PPM1H: variants seen among roughly 807,000 people sequenced by gnomAD.
PPM1H encodes the protein protein phosphatase, Mg2+/Mn2+ dependent 1H.
Under a neutral mutation model 54.9 loss-of-function variants are expected in PPM1H, and 27 were observed. The observed-to-expected ratio is 0.49, with a 90% CI of 0.36 to 0.68. The LOEUF (loss-of-function observed/expected upper bound fraction) is 0.68, where lower values mean the gene tolerates loss of function less well. PPM1H is among the 30% of genes least tolerant of loss of function. PPM1H has a pLI of 0.00. For missense variants in PPM1H, 596 were observed against 667.8 expected, an observed-to-expected ratio of 0.89 and a Z score of 1.19; for synonymous variants, 305 against 270.8, an observed-to-expected ratio of 1.13 and a Z score of -1.24.
At chr12:62,825,731 C>G (rs972075885) in intron 2 of PPM1H, among the ~76,000 whole-genome samples, 1 of 151,884 alleles carries the variant, frequency 6.6e-6, no homozygotes, top group Non-Finnish European at 1.5e-5. Flanking sequence ...AGGGGCCTGT[C>G]GCGGAGTGTG....
At chr12:62,856,007 G>A (rs979806084) in intron 1 of PPM1H, among the ~76,000 whole-genome samples, 1 of 152,216 alleles carries the variant, frequency 6.6e-6, no homozygotes, top group Non-Finnish European at 1.5e-5. Flanking sequence ...CACTGTGAAT[G>A]AGGTTTTCCC....
chr12:62,692,367 T>C (rs1388341126), intron 7 of PPM1H, among the ~76,000 whole-genome samples: 3 of 152,246 alleles, frequency 2.0e-5, no homozygotes. Context: ...TTGAACTTTA[T>C]ACTAAAATTA....
At chr12:62,852,027 G>A (rs1869207880) in intron 1 of PPM1H, among the ~76,000 whole-genome samples, 1 of 151,604 alleles carries the variant, frequency 6.6e-6, no homozygotes, top group African/African-American at 2.4e-5. Context: ...TCAGGGGTTC[G>A]AGACCAGCCT....
chr12:62,794,689 G>C (rs1177252088), intron 3 of PPM1H, among the ~76,000 whole-genome samples: 5 of 152,130 alleles, frequency 3.3e-5, no homozygotes, highest in African/African-American at 1.2e-4. Flanking sequence ...AACTAACCCT[G>C]CAGTGGAATC....
chr12:62,896,657 G>A lies in PPM1H; in HGVS notation c.245+37835C>T, dbSNP rs186845385. Among the ~76,000 whole-genome samples, 246 of 152,326 alleles carry A rather than the reference G, an allele frequency of 1.6e-3. 1 individual carries two copies. The highest frequency in any genetic ancestry group is 5.4e-3 in the African/African-American group (223 of 41,586). On this transcript the variant is annotated intron_variant, in intron 1 of 9. Coordinates refer to ENST00000228705, the MANE Select transcript of PPM1H (RefSeq NM_020700.2). ...ACGCTTTTACACTGTTGGTGGGACT[G>A]TAAACTAGTTCAACCATTGTGGAAG...
chr12:62,715,970 C>T (rs1298463874), intron 6 of PPM1H, among the ~76,000 whole-genome samples: 6 of 152,042 alleles, frequency 3.9e-5, no homozygotes, highest in East Asian at 3.9e-4. Context: ...AAATGTACAC[C>T]GAAGCTCGAA....
intron 5 of PPM1H, among the ~76,000 whole-genome samples, chr12:62,731,591 T>C (rs1404836740): frequency 2.0e-5 from 3 of 152,134 alleles, no homozygotes; most frequent in African/African-American, 7.2e-5. Flanking sequence ...TGGGGGTAGT[T>C]CCAAGGACAT....
chr12:62,912,341 G>A (rs1043337532), intron 1 of PPM1H, among the ~76,000 whole-genome samples: 2 of 152,126 alleles, frequency 1.3e-5, no homozygotes, highest in African/African-American at 4.8e-5. Flanking sequence ...CATTATGGTG[G>A]CAGTAACAGA....
chr12:62,827,746 C>G (rs755720216), intron 2 of PPM1H, among the ~76,000 whole-genome samples: 1 of 152,168 alleles, frequency 6.6e-6, no homozygotes, highest in African/African-American at 2.4e-5. Flanking sequence ...TATTCACTTT[C>G]CAAGATCCCA....
chr12:62,744,930 G>T (rs901151319), intron 4 of PPM1H, among the ~76,000 whole-genome samples: 27 of 152,214 alleles, frequency 1.8e-4, no homozygotes, highest in Non-Finnish European at 3.7e-4. Context: ...GCTCTGGGCA[G>T]TGAGACTCCC....
intron 9 of PPM1H, among the ~76,000 whole-genome samples, chr12:62,649,817 G>A (rs2075806068): frequency 6.6e-6 from 1 of 152,272 alleles, no homozygotes; most frequent in East Asian, 1.9e-4. Context: ...AATCTTGTGA[G>A]CTTGGTTAAG....
intron 6 of PPM1H, among the ~76,000 whole-genome samples, chr12:62,703,975 C>CGTGTGTGTGTGTGTGTGTGT (rs4026211): frequency 1.8e-4 from 27 of 146,658 alleles, no homozygotes; most frequent in African/African-American, 6.3e-4. Context: ...AGAGAGAAAG[C>CGTGTGTGTGTGTGTGTGTGT]GTGTGTGTGT....
chr12:62,817,110 C>A (rs1419099789), intron 2 of PPM1H, among the ~76,000 whole-genome samples: 1 of 56,072 alleles, frequency 1.8e-5, no homozygotes, highest in East Asian at 5.3e-4. Flanking sequence ...GAAACCACTG[C>A]ATTACTAAAA....
intron 5 of PPM1H, among the ~76,000 whole-genome samples, chr12:62,730,328 C>T (rs890137907): frequency 2.0e-5 from 3 of 152,276 alleles, no homozygotes; most frequent in South Asian, 2.1e-4. Context: ...AACATTCATA[C>T]GCATTTCTGT....
intron 7 of PPM1H, among the ~76,000 whole-genome samples, chr12:62,690,641 T>C (rs2076077360): frequency 1.3e-5 from 2 of 152,236 alleles, no homozygotes; most frequent in South Asian, 2.1e-4. Context: ...ACATCATATG[T>C]TGGGGACACA....
intron 4 of PPM1H, among the ~76,000 whole-genome samples, chr12:62,768,966 C>T (rs2076562048): frequency 6.6e-6 from 1 of 152,194 alleles, no homozygotes; most frequent in African/African-American, 2.4e-5. Context: ...TAACCTGAGA[C>T]ATGTTTGTTT....
intron 9 of PPM1H, among the ~76,000 whole-genome samples, chr12:62,653,162 G>A (rs1304808456): frequency 1.3e-5 from 2 of 151,948 alleles, no homozygotes; most frequent in Non-Finnish European, 2.9e-5. Context: ...TTGTGTTTTT[G>A]TTGCTGATAT....
At chr12:62,797,663 G>C (rs1441585877) in intron 3 of PPM1H, among the ~76,000 whole-genome samples, 1 of 152,184 alleles carries the variant, frequency 6.6e-6, no homozygotes. Flanking sequence ...AATATTGAGA[G>C]GGGGAGGAAA....
intron 1 of PPM1H, among the ~76,000 whole-genome samples, chr12:62,933,432 C>G (rs915571996): frequency 6.6e-6 from 1 of 152,080 alleles, no homozygotes. Context: ...CCGGACGAAC[C>G]AATCAACCAG....
Sources: gnomAD v4.1 joint callset for allele counts (sites outside exome capture counted in the v4.1 genomes callset) on GRCh38, gnomAD v4.1.1 for gene constraint, MANE v1.5 for transcripts, NCBI Gene and HGNC (gene_info 2026-07-23, HGNC 2026-07-21) for gene names.